Variants in MBD3 observed in about 807,000 individuals in gnomAD.
MBD3 encodes methyl-CpG-binding domain protein 3.
MBD3 carries 13 observed loss-of-function variants against 31.2 expected under a neutral mutation model. That is an observed-to-expected ratio of 0.42 (90% confidence interval 0.27 to 0.66). The LOEUF is 0.66. MBD3 is among the 30% of genes least tolerant of loss of function. The probability of loss-of-function intolerance (pLI) is 0.26; values close to 1 mark genes in which losing one functional copy is unlikely to be tolerated. For synonymous variants in MBD3, 223 were observed against 187.4 expected (o/e 1.19, Z -1.55); for missense variants, 440 against 426.5 (o/e 1.03, Z -0.28).
At chr19:1,580,897 C>T (rs1382365832) in intron 5 of MBD3, among the ~76,000 whole-genome samples, 195 bp downstream of exon 5, 2 of 152,222 alleles carry the variant, frequency 1.3e-5, no homozygotes, top group East Asian at 3.8e-4. Flanking sequence ...GTGCCTGGCT[C>T]GCCCTGAACC....
At chr19:1,579,170 CCA>C (rs891339101) in intron 5 of MBD3, among the ~76,000 whole-genome samples, 1 of 122,378 alleles carries the variant, frequency 8.2e-6, no homozygotes, top group Non-Finnish European at 1.6e-5. Context: ...GGCAACAGAG[CCA>C]GATTCTGCCA....
At chr19:1,581,573 G>C (rs1000017302) in intron 4 of MBD3, 46 of 468,964 alleles carry the variant, frequency 9.8e-5, no homozygotes, top group Non-Finnish European at 1.7e-4. Context: ...TGAGACTCCT[G>C]TCTCTACAAA....
Position 1,578,596 on chromosome 19 carries a change from C to T in MBD3, c.678-58G>A. On this transcript the variant is annotated intron_variant, in intron 5 of 6. Transcript: ENST00000434436. The surrounding 1 kb of genome is among the most constrained non-coding windows in gnomAD (Gnocchi z 6.1). Reference sequence around the variant, plus strand: ...GTGAGCGGCCAGCAGGACATGGACACAGGATGAACGTGGGGACCTCAGCTG... The same window carrying T: ...GTGAGCGGCCAGCAGGACATGGACATAGGATGAACGTGGGGACCTCAGCTG... 10 of 1,605,438 alleles carry T rather than the reference C, an allele frequency of 6.2e-6. No homozygotes were observed. Among genetic ancestry groups the T allele is most frequent in the Non-Finnish European group, 8.5e-6 (10 of 1,179,850 alleles).
At chr19:1,592,451 G>A (rs2060709478) in intron 1 of MBD3, 71 bp downstream of exon 1, 3 of 714,618 alleles carry the variant, frequency 4.2e-6, no homozygotes, top group Admixed American at 7.0e-5. Context: ...CGGGGCAGGG[G>A]CGCCGAGGCC....
In MBD3 at chr19:1,586,671, A is replaced by ATT. The variant is rs4030111; in HGVS notation, c.111-1459_111-1458dup. Reference sequence around the variant, plus strand: ...CGACAGGCACAAGCCACCACGCCTAATTTTTTTTTTTTTGAGATGGAGTCT... The same window carrying ATT: ...CGACAGGCACAAGCCACCACGCCTAATTTTTTTTTTTTTTTGAGATGGAGTCT... On this transcript the variant is annotated intron_variant, in intron 1 of 6. Coordinates refer to ENST00000434436, the MANE Select transcript of MBD3 (RefSeq NM_001281453.2). 1.8e-4 allele frequency among the ~76,000 whole-genome samples: 26 copies of ATT among 143,704 alleles called. 5 individuals are homozygous for ATT. Among genetic ancestry groups the ATT allele is most frequent in the Non-Finnish European group, 1.7e-4 (11 of 66,624 alleles). The allele number at this position is 143,704 out of a possible 152,430, so 94.3% of individuals were successfully genotyped here.
chr19:1,578,239 T>C lies in MBD3; in HGVS notation c.*6-81A>G. On this transcript the variant is annotated intron_variant, in intron 6 of 6. Transcript: ENST00000434436. The surrounding 1 kb of genome is among the most constrained non-coding windows in gnomAD (Gnocchi z 6.1). ...GCTCTTCTAGGGAGATGGGAAGCTC[T>C]TGGGAGGCACCCGTCATCCCAAGCA... 2 of 1,567,458 alleles carry C rather than the reference T, an allele frequency of 1.3e-6. No individual in the cohort carries two copies. Among genetic ancestry groups the C allele is most frequent in the Non-Finnish European group, 1.7e-6 (2 of 1,156,002 alleles).
intron 3 of MBD3, 33 bp from the exon 4 acceptor site, chr19:1,582,745 G>C (rs368492931): frequency 4.4e-6 from 7 of 1,587,306 alleles, no homozygotes; most frequent in Non-Finnish European, 5.2e-6. Flanking sequence ...CCTCAAGAGT[G>C]GCCCTGCCCT....
At chr19:1,590,497 A>C (rs968453738) in intron 1 of MBD3, among the ~76,000 whole-genome samples, 1 of 152,092 alleles carries the variant, frequency 6.6e-6, no homozygotes, top group African/African-American at 2.4e-5. Context: ...ACGTGCCTGT[A>C]ATTCCCACTA....
At position 1,578,529 on chromosome 19, in the gene MBD3, T is replaced by C. The variant is rs779394990; in HGVS notation, c.687A>G (p.Glu229=). 11 of 1,612,134 alleles carry C rather than the reference T, an allele frequency of 6.8e-6. No individual in the cohort carries two copies. Among genetic ancestry groups the C allele is most frequent in the East Asian group, 2.2e-5 (1 of 44,878 alleles). ...GCTTCCGCACCTGCTGCACCAGCTCTTCCTGCTTCCTGGGGACACATGGAC... is the reference window on the plus strand; with the variant it reads ...GCTTCCGCACCTGCTGCACCAGCTCCTCCTGCTTCCTGGGGACACATGGAC... ...MVTDEDIRKQ[E]ELVQQVRKRL... is the part of the protein sequence containing the mutation. Residue 229 remains glutamate, a synonymous_variant, in exon 6 of 7, where the codon GAA becomes GAG. Transcript: ENST00000434436. The surrounding 1 kb of genome is among the most constrained non-coding windows in gnomAD (Gnocchi z 6.1).
chr19:1,581,790 G>A (rs1408578032), intron 4 of MBD3: 1 of 186,342 alleles, frequency 5.4e-6, no homozygotes, highest in Non-Finnish European at 1.1e-5. Flanking sequence ...TTTTTTTTGA[G>A]ACGGAGTCTC....
intron 1 of MBD3, chr19:1,591,945 C>G (rs565914945): frequency 1.3e-5 from 2 of 152,134 alleles, no homozygotes; most frequent in Admixed American, 6.6e-5. Context: ...GGCCACGACC[C>G]AAGAGGACCA....
intron 1 of MBD3, among the ~76,000 whole-genome samples, chr19:1,591,799 C>G (rs1020692006): frequency 6.6e-6 from 1 of 151,992 alleles, no homozygotes; most frequent in Admixed American, 6.6e-5. Flanking sequence ...TTCCCTGCGA[C>G]CTTTCAGAGC....
At chr19:1,579,462 G>A (rs1917298088) in intron 5 of MBD3, among the ~76,000 whole-genome samples, 1 of 152,114 alleles carries the variant, frequency 6.6e-6, no homozygotes, top group Non-Finnish European at 1.5e-5. Flanking sequence ...CGGGGCCGCA[G>A]CACGTGCTTC....
In MBD3 at chr19:1,580,392, C is replaced by T. The variant is rs185477708; in HGVS notation, c.677+700G>A. 9.2e-4 allele frequency among the ~76,000 whole-genome samples: 140 copies of T among 152,342 alleles called. 1 individual carries two copies. Among genetic ancestry groups the T allele is most frequent in the African/African-American group, 3.2e-3 (134 of 41,570 alleles). On this transcript the variant is annotated intron_variant, in intron 5 of 6. Coordinates refer to ENST00000434436, the MANE Select transcript of MBD3 (RefSeq NM_001281453.2). ...GGGCCTTTAACCCCGGCTGCTGCCA[C>T]AGGAAACCCGCATGCCCAGCGCCTC...
intron 3 of MBD3, chr19:1,583,367 GA>G (rs1245601376): frequency 8.5e-6 from 1 of 116,978 alleles, no homozygotes; most frequent in Non-Finnish European, 1.6e-5. Context: ...CAGCCTGGGT[GA>G]CAGAGCGAGA....
intron 5 of MBD3, among the ~76,000 whole-genome samples, chr19:1,580,787 CCCT>C (rs1917333978): frequency 6.6e-6 from 1 of 152,208 alleles, no homozygotes; most frequent in African/African-American, 2.4e-5. Context: ...CCTGCCCTGT[CCCT>C]CCGTCTCCAG....
Position 1,585,060 on chromosome 19 carries a change from C to T in MBD3, c.265G>A (p.Val89Ile). Residue 89 changes from valine to isoleucine, a missense_variant, in exon 2 of 7, where the codon GTC becomes ATC. Val to Ile is a conservative substitution (Grantham distance 29). This residue lies in a region of MBD3 where 179 missense variants were observed against 134.7 expected (regional missense o/e 1.33). Transcript: ENST00000434436. This position sits in a 1 kb window ranked among gnomAD's most constrained non-coding sequence, Gnocchi z 4.1. ...QRVRYDSSNQ[V>I]KGKPDLNTAL... ...TGCGTGACGCCACCACTCACCTTGA[C>T]CTGGTTGGAGGAGTCGTAGCGCACG... 1 of 1,611,808 alleles carries T rather than the reference C, an allele frequency of 6.2e-7. No individual in the cohort carries two copies. Among genetic ancestry groups the T allele is most frequent in the Non-Finnish European group, 8.5e-7 (1 of 1,179,316 alleles).
At position 1,578,355 on chromosome 19, in the gene MBD3, C is replaced by T. The variant is rs1208976067; in HGVS notation, c.861G>A (p.Glu287=). The change falls in exon 6 of 7, where the codon GAG becomes GAA. Residue 287 remains glutamate, a synonymous_variant. Coordinates refer to ENST00000434436, the MANE Select transcript of MBD3 (RefSeq NM_001281453.2). This position sits in a 1 kb window ranked among gnomAD's most constrained non-coding sequence, Gnocchi z 6.1. ...AGCACCTGCCCTAGACGTGCTCCATCTCCGGGTCCGGGTCGGGCTCCTCCT... is the reference window on the plus strand; with the variant it reads ...AGCACCTGCCCTAGACGTGCTCCATTTCCGGGTCCGGGTCGGGCTCCTCCT... ...EEEEEPDPDP[E]MEHV 3.7e-6 allele frequency: 6 copies of T among 1,603,642 alleles called. No individual in the cohort carries two copies. The highest frequency in any genetic ancestry group is 3.3e-5 in the South Asian group (3 of 91,058).
At chr19:1,589,635 A>G (rs2060694914) in intron 1 of MBD3, among the ~76,000 whole-genome samples, 1 of 152,184 alleles carries the variant, frequency 6.6e-6, no homozygotes, top group Admixed American at 6.5e-5. Context: ...CCTGGGTGAC[A>G]AAGCGGGACT....
Sources: gnomAD v4.1 joint callset for allele counts (sites outside exome capture counted in the v4.1 genomes callset) on GRCh38, gnomAD v4.1.1 for gene constraint, gnomAD v4.1.1 regional missense constraint, Gnocchi (gnomAD v3.1) non-coding constraint, MANE v1.5 for transcripts, NCBI Gene and HGNC (gene_info 2026-07-23, HGNC 2026-07-21) for gene names.